The following SPTB variants were observed in gnomAD, a reference collection of about 807,000 sequenced individuals.
The protein encoded by SPTB is spectrin beta chain, erythrocytic.
In SPTB, 45 loss-of-function variants were observed where a neutral mutation model predicts 256.2. The observed-to-expected ratio is 0.18, with a 90% CI of 0.14 to 0.23. SPTB has a LOEUF of 0.23. SPTB is among the 10% of genes least tolerant of loss of function. The probability of loss-of-function intolerance (pLI) is 1.00; values close to 1 mark genes in which losing one functional copy is unlikely to be tolerated. For missense variants in SPTB, 2,715 were observed against 3,040.4 expected (o/e 0.89, Z 2.52); for synonymous variants, 1,231 against 1,243.1 (o/e 0.99, Z 0.21).
intron 13 of SPTB, 74 bp downstream of exon 13, chr14:64,794,393 C>T (rs2082729194): frequency 6.3e-7 from 1 of 1,582,256 alleles, no homozygotes; most frequent in Non-Finnish European, 8.7e-7. Flanking sequence ...GAGATTTATC[C>T]AAGTTGGGTT....
intron 1 of SPTB, among the ~76,000 whole-genome samples, chr14:64,843,695 G>A (rs2083643300): frequency 6.6e-6 from 1 of 152,164 alleles, no homozygotes; most frequent in Admixed American, 6.5e-5. Context: ...GCCAACCTGA[G>A]GACCACGACT....
intron 6 of SPTB, 125 bp from the exon 7 acceptor site, chr14:64,801,525 G>T (rs1392458030): frequency 3.6e-6 from 3 of 837,656 alleles, no homozygotes; most frequent in African/African-American, 1.7e-5. Context: ...GTGAAAGGAG[G>T]AGATGGGAGC....
In SPTB at chr14:64,841,932, C is replaced by T. The variant is rs141116116; in HGVS notation, c.-51-18787G>A. 2.0e-4 allele frequency among the ~76,000 whole-genome samples: 31 copies of T among 152,256 alleles called. No homozygotes were observed. Among genetic ancestry groups the T allele is most frequent in the African/African-American group, 7.2e-4 (30 of 41,538 alleles). On this transcript the variant is annotated intron_variant, in intron 1 of 35. Coordinates refer to ENST00000644917, the MANE Select transcript of SPTB (RefSeq NM_001355436.2). The surrounding 1 kb of genome is among the most constrained non-coding windows in gnomAD (Gnocchi z 4.6). The stretch of plus-strand genomic sequence containing the variant: ...GCGGCAAATGTTATCTGGAAGCAGC[C>T]GGGACAAGAGCACCCCCAGTTCTGA...
rs142948421 is a variant in SPTB at position 64,764,647 on chromosome 14, C to A, written c.6345+2079G>T. 0.016 allele frequency among the ~76,000 whole-genome samples: 2,421 copies of A among 152,324 alleles called. 29 individuals carry two copies. Among genetic ancestry groups the A allele is most frequent in the South Asian group, 0.031 (150 of 4,824 alleles). ...TACATTTGCACAGACACAGATGACA[C>A]AGACAGTGGATGGAGTCGCTCTGGT... is the stretch of plus-strand genomic sequence containing the variant. On this transcript the variant is annotated intron_variant, in intron 32 of 35. Transcript: ENST00000644917. This position sits in a 1 kb window ranked among gnomAD's most constrained non-coding sequence, Gnocchi z 4.2.
At chr14:64,871,010 G>A (rs1882498374) in intron 1 of SPTB, among the ~76,000 whole-genome samples, 1 of 152,200 alleles carries the variant, frequency 6.6e-6, no homozygotes, top group Admixed American at 6.5e-5. Flanking sequence ...GGTGATGGCT[G>A]CACAGCAATG....
At chr14:64,835,764 T>G (rs1171793869) in intron 1 of SPTB, among the ~76,000 whole-genome samples, 1 of 152,220 alleles carries the variant, frequency 6.6e-6, no homozygotes, top group African/African-American at 2.4e-5. Context: ...TACTAAGGCC[T>G]TTATGTATAT....
rs532829210 is a variant in SPTB, at chr14:64,823,480, C to A, written c.-51-335G>T. ...GGGGAGCACCCCGGGAGAGAGGAAGCTCTCCTGGGAGCCAGAGGCAGCAGG... is the reference window on the plus strand; with the variant it reads ...GGGGAGCACCCCGGGAGAGAGGAAGATCTCCTGGGAGCCAGAGGCAGCAGG... On this transcript the variant is annotated intron_variant, in intron 1 of 35. Transcript: ENST00000644917. The surrounding 1 kb of genome is among the most constrained non-coding windows in gnomAD (Gnocchi z 6.5). Among the ~76,000 whole-genome samples the A allele has an allele frequency of 6.6e-6, 1 of 152,278 alleles. No homozygotes were observed. Among genetic ancestry groups the A allele is most frequent in the Non-Finnish European group, 1.5e-5 (1 of 68,006 alleles).
At chr14:64,821,624 A>C (rs1390977616) in intron 2 of SPTB, among the ~76,000 whole-genome samples, 1 of 152,236 alleles carries the variant, frequency 6.6e-6, no homozygotes, top group Non-Finnish European at 1.5e-5. Flanking sequence ...ATTAACATAC[A>C]CAAAAGCAAT....
At chr14:64,754,061 A>G in intron 32 of SPTB, 2 of 565,712 alleles carry the variant, frequency 3.5e-6, no homozygotes, top group Admixed American at 3.0e-5. Context: ...CCAATGTAAC[A>G]TAGCAACGGA....
intron 1 of SPTB, among the ~76,000 whole-genome samples, chr14:64,865,628 C>G (rs779681040): frequency 9.8e-5 from 15 of 152,298 alleles, no homozygotes; most frequent in Non-Finnish European, 1.8e-4. Context: ...TACCATGCAC[C>G]CACTGGGCTC....
At chr14:64,791,959 C>T in intron 14 of SPTB, 103 bp from the exon 15 acceptor site, 1 of 1,478,110 alleles carries the variant, frequency 6.8e-7, no homozygotes, top group Non-Finnish European at 9.2e-7. Context: ...TTGCTTTCTC[C>T]TTCCACTGCC....
rs1475352168 is a variant in SPTB at position 64,873,177 on chromosome 14, C to A, written c.-52+6615G>T. ...TTTCCCTTCATATTGCTTTATTTTTCTTTTTAGCACTTGAAATTACAATAT... is the reference window on the plus strand; with the variant it reads ...TTTCCCTTCATATTGCTTTATTTTTATTTTTAGCACTTGAAATTACAATAT... On this transcript the variant is annotated intron_variant, in intron 1 of 35. Transcript: ENST00000644917. The surrounding 1 kb of genome is among the most constrained non-coding windows in gnomAD (Gnocchi z 4.3). Among the ~76,000 whole-genome samples, 1 of 152,120 alleles carries A rather than the reference C, an allele frequency of 6.6e-6. No individual in the cohort carries two copies. Among genetic ancestry groups the A allele is most frequent in the East Asian group, 1.9e-4 (1 of 5,200 alleles).
At chr14:64,791,296 G>A (rs1203274497) in intron 15 of SPTB, among the ~76,000 whole-genome samples, 2 of 152,088 alleles carry the variant, frequency 1.3e-5, no homozygotes, top group African/African-American at 2.4e-5. Context: ...GTGGGGGCGC[G>A]GTGGCTTATG....
rs769300381 is a variant in SPTB at position 64,749,312 on chromosome 14, C to T, written c.6981G>A (p.Lys2327=). 1 of 1,602,682 alleles carries T rather than the reference C, an allele frequency of 6.2e-7. No individual in the cohort carries two copies. Among genetic ancestry groups the T allele is most frequent in the African/African-American group, 1.3e-5 (1 of 74,784 alleles). The part of the protein sequence containing the change: ...KEKRFSFFPK[K]K ...CGCCCGCCAGCCCCACCTGCTACTT[C>T]TTTTTGGGGAAGAAGCTGAATCTCT... The change falls in exon 36 of 36, where the codon AAG becomes AAA. Residue 2327 remains lysine (K), a synonymous_variant. Coordinates refer to ENST00000644917, the MANE Select transcript of SPTB (RefSeq NM_001355436.2). The surrounding 1 kb of genome is among the most constrained non-coding windows in gnomAD (Gnocchi z 4.7).
rs1188922541 is a variant in SPTB at position 64,792,341 on chromosome 14, G to A, written c.2667-485C>T. On this transcript the variant is annotated intron_variant, in intron 14 of 35. Transcript: ENST00000644917. The surrounding 1 kb of genome is among the most constrained non-coding windows in gnomAD (Gnocchi z 4.2). ...AAGCTGCTGGGGCGGTGGTCGGGGGGAATTTGTGGTTCTGAAGGCCGATCC... is the reference window on the plus strand; with the variant it reads ...AAGCTGCTGGGGCGGTGGTCGGGGGAAATTTGTGGTTCTGAAGGCCGATCC... Among the ~76,000 whole-genome samples the A allele has an allele frequency of 6.6e-6, 1 of 152,090 alleles. No homozygotes were observed.
Position 64,749,840 on chromosome 14 carries a change from G to A in SPTB, c.6776+141C>T. 9 of 1,478,618 alleles carry A rather than the reference G, an allele frequency of 6.1e-6. No individual in the cohort carries two copies. Among genetic ancestry groups the A allele is most frequent in the Non-Finnish European group, 8.4e-6 (9 of 1,068,582 alleles). 91.6% of individuals were successfully genotyped at this position (1,478,618 alleles called of 1,614,324 possible). A position where few individuals can be genotyped will look rare whatever the true frequency, so the allele number is the denominator to read the frequency against. On this transcript the variant is annotated intron_variant, in intron 34 of 35. Transcript: ENST00000644917. This position sits in a 1 kb window ranked among gnomAD's most constrained non-coding sequence, Gnocchi z 4.7. ...AGCACTTTCTGAGAGGTCAAAGTCT[G>A]GACCATCAGCCTCTTTGATTTGAAA...
At chr14:64,857,262 A>G (rs1036968852) in intron 1 of SPTB, among the ~76,000 whole-genome samples, 4 of 152,154 alleles carry the variant, frequency 2.6e-5, no homozygotes, top group Non-Finnish European at 5.9e-5. Context: ...AGCATCATCC[A>G]GCACAACTGC....
At chr14:64,836,209 G>A (rs747752238) in intron 1 of SPTB, among the ~76,000 whole-genome samples, 5 of 152,232 alleles carry the variant, frequency 3.3e-5, no homozygotes, top group Non-Finnish European at 5.9e-5. Context: ...GGAACCAAAT[G>A]TCCTGGATGA....
Position 64,752,251 on chromosome 14 carries a change from C to CTGTT in SPTB, c.6602+1282_6602+1285dup, listed in dbSNP as rs1331576985. 4 of 1,346,928 alleles carry CTGTT rather than the reference C, an allele frequency of 3.0e-6. No homozygotes were observed. The Admixed American group carries it at 5.8e-5, about 19-fold the overall frequency. The allele number at this position is 1,346,928 out of a possible 1,614,324, so 83.4% of individuals were successfully genotyped here. A position where few individuals can be genotyped will look rare whatever the true frequency, so the allele number is the denominator to read the frequency against. ...TGCTGCATTTCTACAGCAACAGACT[C>CTGTT]TGTTTCCTCCTCCTCTTCATCCTCC... On this transcript the variant is annotated intron_variant, in intron 33 of 35. Coordinates refer to ENST00000644917, the MANE Select transcript of SPTB (RefSeq NM_001355436.2).
Sources: gnomAD v4.1 joint callset for allele counts (sites outside exome capture counted in the v4.1 genomes callset) on GRCh38, gnomAD v4.1.1 for gene constraint, Gnocchi (gnomAD v3.1) non-coding constraint, MANE v1.5 for transcripts, NCBI Gene and HGNC (gene_info 2026-07-23, HGNC 2026-07-21) for gene names.